Variants in PTPRD observed in about 807,000 individuals in gnomAD.
PTPRD encodes receptor-type tyrosine-protein phosphatase delta.
PTPRD carries 34 observed loss-of-function variants against 214.5 expected under a neutral mutation model. The observed-to-expected ratio is 0.16, with a 90% confidence interval of 0.12 to 0.21. The LOEUF is 0.21. PTPRD is among the 10% of genes least tolerant of loss of function. PTPRD has a pLI of 1.00. For missense variants in PTPRD, 2,545 were observed against 2,398.7 expected (o/e 1.06, Z -1.27); for synonymous variants, 1,128 against 845.7 (o/e 1.33, Z -5.79).
At chr9:9,355,935 G>C (rs1185783080) in intron 9 of PTPRD, among the ~76,000 whole-genome samples, 3 of 151,366 alleles carry the variant, frequency 2.0e-5, no homozygotes, top group African/African-American at 7.3e-5. Flanking sequence ...AAAGAGGAAG[G>C]AGTGATAAAC....
At chr9:8,640,561 C>CAAAAAAA (rs201282830) in intron 12 of PTPRD, among the ~76,000 whole-genome samples, 29 of 105,418 alleles carry the variant, frequency 2.8e-4, no homozygotes, top group Non-Finnish European at 4.2e-4. Flanking sequence ...AACAAAAAAA[C>CAAAAAAA]AAAAAAAAAA....
intron 10 of PTPRD, among the ~76,000 whole-genome samples, chr9:9,159,319 A>G (rs2099884269): frequency 6.6e-6 from 1 of 152,192 alleles, no homozygotes; most frequent in Non-Finnish European, 1.5e-5. Context: ...TATCTGCTGA[A>G]GACTCCACCA....
At chr9:8,850,983 A>C (rs578176099) in intron 11 of PTPRD, among the ~76,000 whole-genome samples, 6 of 152,326 alleles carry the variant, frequency 3.9e-5, no homozygotes, top group African/African-American at 1.4e-4. Context: ...TGATGTGTCT[A>C]GTCTAATTTC....
At chr9:9,106,612 C>A (rs1435397803) in intron 10 of PTPRD, among the ~76,000 whole-genome samples, 649 of 71,498 alleles carry the variant, frequency 9.1e-3, no homozygotes, top group Middle Eastern at 0.013. Flanking sequence ...ATTCCATAGG[C>A]AAAAAAAAAA....
chr9:9,231,761 T>C (rs184209969), intron 9 of PTPRD, among the ~76,000 whole-genome samples: 3 of 152,304 alleles, frequency 2.0e-5, no homozygotes, highest in South Asian at 2.1e-4. Context: ...CTTTAAGTTA[T>C]AGGGTACATG....
At chr9:10,012,529 A>G (rs2096622807) in intron 4 of PTPRD, among the ~76,000 whole-genome samples, 1 of 152,110 alleles carries the variant, frequency 6.6e-6, no homozygotes, top group Admixed American at 6.6e-5. Context: ...TTATTTTTAA[A>G]AAGAAAATAA....
intron 5 of PTPRD, among the ~76,000 whole-genome samples, chr9:9,900,769 T>C (rs1391173249): frequency 6.6e-6 from 1 of 151,918 alleles, no homozygotes; most frequent in Admixed American, 6.6e-5. Context: ...CCCGAGTAGC[T>C]GGAACTACAG....
At position 9,368,808 on chromosome 9, in the gene PTPRD, G is replaced by A. The variant is rs182176483; in HGVS notation, c.-203+28641C>T. Among the ~76,000 whole-genome samples the A allele has an allele frequency of 3.1e-3, 475 of 151,818 alleles. 1 individual carries two copies. Among genetic ancestry groups the A allele is most frequent in the African/African-American group, 0.01 (432 of 41,462 alleles). On this transcript the variant is annotated intron_variant, in intron 9 of 45. Coordinates refer to ENST00000381196, the MANE Select transcript of PTPRD (RefSeq NM_002839.4). ...AAGTTTTAGAGTACATGTGCACAAC[G>A]TGCAGGTTACATGTGTACACATGTG...
intron 3 of PTPRD, among the ~76,000 whole-genome samples, chr9:10,076,306 C>G (rs1410105533): frequency 6.6e-6 from 1 of 152,030 alleles, no homozygotes; most frequent in Non-Finnish European, 1.5e-5. Context: ...GCTCAAAAAC[C>G]AGCTGGGGAG....
chr9:9,511,908 A>G (rs1384840914), intron 8 of PTPRD, among the ~76,000 whole-genome samples: 1 of 151,846 alleles, frequency 6.6e-6, no homozygotes, highest in African/African-American at 2.4e-5. Flanking sequence ...TTCATAGAAG[A>G]CCTAAAACTG....
intron 3 of PTPRD, among the ~76,000 whole-genome samples, chr9:10,243,665 T>C (rs367797976): frequency 4.6e-5 from 7 of 152,098 alleles, no homozygotes; most frequent in African/African-American, 1.7e-4. Context: ...TTGTTGGAGA[T>C]ATACATAGTA....
At chr9:10,307,999 T>C (rs2096139658) in intron 3 of PTPRD, among the ~76,000 whole-genome samples, 1 of 152,006 alleles carries the variant, frequency 6.6e-6, no homozygotes, top group Admixed American at 6.6e-5. Flanking sequence ...CAAATATTTT[T>C]TCTCATTCAA....
chr9:10,567,176 G>C (rs1330973717), intron 2 of PTPRD, among the ~76,000 whole-genome samples: 2 of 151,940 alleles, frequency 1.3e-5, no homozygotes, highest in Non-Finnish European at 2.9e-5. Flanking sequence ...GATACACTAA[G>C]TAATCTTTAT....
intron 3 of PTPRD, among the ~76,000 whole-genome samples, chr9:10,112,157 C>G (rs60210913): frequency 0.016 from 2,377 of 152,246 alleles, 54 homozygotes; most frequent in African/African-American, 0.053. Flanking sequence ...AATTGACAAG[C>G]AAATTCGCTT....
intron 7 of PTPRD, among the ~76,000 whole-genome samples, chr9:9,690,140 C>A (rs753926338): frequency 6.6e-6 from 1 of 151,922 alleles, no homozygotes; most frequent in Non-Finnish European, 1.5e-5. Flanking sequence ...TCTCTACATT[C>A]TCTCCAGCAT....
At position 9,435,110 on chromosome 9, in the gene PTPRD, C is replaced by T. The variant is rs142624461; in HGVS notation, c.-236-37628G>A. On this transcript the variant is annotated intron_variant, in intron 8 of 45. Coordinates refer to ENST00000381196, the MANE Select transcript of PTPRD (RefSeq NM_002839.4). ...TAAAATTTTGGCAAATTTTAGACCCCGCTTTACTTTCTTTATTATTTCTAT... is the reference window on the plus strand; with the variant it reads ...TAAAATTTTGGCAAATTTTAGACCCTGCTTTACTTTCTTTATTATTTCTAT... 5.7e-3 allele frequency among the ~76,000 whole-genome samples: 860 copies of T among 151,906 alleles called. 5 individuals carry two copies. Among genetic ancestry groups the T allele is most frequent in the African/African-American group, 0.018 (760 of 41,454 alleles).
At chr9:10,480,277 G>T (rs1022090371) in intron 2 of PTPRD, among the ~76,000 whole-genome samples, 1 of 152,096 alleles carries the variant, frequency 6.6e-6, no homozygotes, top group Non-Finnish European at 1.5e-5. Context: ...TGACTTTGAG[G>T]GTCACAAGTT....
chr9:10,355,622 G>T (rs933233043), intron 2 of PTPRD, among the ~76,000 whole-genome samples: 1 of 151,886 alleles, frequency 6.6e-6, no homozygotes, highest in Non-Finnish European at 1.5e-5. Flanking sequence ...GGGATTACAG[G>T]CATGCACGAC....
intron 10 of PTPRD, among the ~76,000 whole-genome samples, chr9:9,120,421 T>C (rs2099816515): frequency 6.6e-6 from 1 of 152,204 alleles, no homozygotes; most frequent in African/African-American, 2.4e-5. Context: ...ACTCAGGCAA[T>C]CTGCCTCATT....
Sources: allele counts gnomAD v4.1 joint callset (sites outside exome capture counted in the v4.1 genomes callset), GRCh38; gene constraint gnomAD v4.1.1; transcripts MANE v1.5; gene names NCBI Gene and HGNC (gene_info 2026-07-23, HGNC 2026-07-21).